TMEFF1: variants seen among roughly 807,000 people sequenced by gnomAD.
TMEFF1 encodes transmembrane protein with EGF like and two follistatin like domains 1.
A neutral mutation model predicts 47.5 loss-of-function variants in TMEFF1; 20 were observed. That is an observed-to-expected ratio of 0.42 (90% CI 0.30 to 0.61). TMEFF1 has a LOEUF of 0.61. Among genes scored for constraint, TMEFF1 ranks in the 20% least tolerant of loss-of-function variants. TMEFF1 has a pLI of 0.19. For synonymous variants in TMEFF1, 162 were observed against 166.3 expected (o/e 0.97, Z 0.20); for missense variants, 411 against 471.1 (o/e 0.87, Z 1.18).
rs1168313703 is a variant in TMEFF1, at chr9:100,561,710, C to CT, written c.899+202dup. Among the ~76,000 whole-genome samples, 501 of 141,990 alleles carry CT rather than the reference C, an allele frequency of 3.5e-3. 1 individual carries two copies. The highest frequency in any genetic ancestry group is 6.9e-3 in the East Asian group (34 of 4,934). 93.2% of individuals were successfully genotyped at this position (141,990 alleles called of 152,430 possible). ...CAAGTAATATGCAGAAAACAAAAATCTTTTTTTTTTTTAGGGCTTAACATT... is the reference window on the plus strand; with the variant it reads ...CAAGTAATATGCAGAAAACAAAAATCTTTTTTTTTTTTTAGGGCTTAACATT... On this transcript the variant is annotated intron_variant, in intron 8 of 9. Transcript: ENST00000374879.
At chr9:100,547,473 T>C (rs1838757286) in intron 5 of TMEFF1, among the ~76,000 whole-genome samples, 2 of 152,204 alleles carry the variant, frequency 1.3e-5, no homozygotes, top group South Asian at 4.1e-4. Context: ...TTAATTAATG[T>C]CATTGATATT....
intron 1 of TMEFF1, among the ~76,000 whole-genome samples, chr9:100,498,128 G>T (rs1389159327): frequency 6.6e-6 from 1 of 152,072 alleles, no homozygotes; most frequent in African/African-American, 2.4e-5. Flanking sequence ...TGGTATTGTT[G>T]ATTGGCTCTG....
At chr9:100,560,462 T>C (rs1339141354) in intron 7 of TMEFF1, among the ~76,000 whole-genome samples, 1 of 152,164 alleles carries the variant, frequency 6.6e-6, no homozygotes, top group South Asian at 2.1e-4. Context: ...CTGGGTCCTT[T>C]GAGCTTAGGA....
rs1463796521 is a variant in TMEFF1 at position 100,473,361 on chromosome 9, CCCGAGCGCCGCG to C, written c.-183_-172del. On this transcript the variant is annotated 5_prime_UTR_variant, in exon 1 of 10. Transcript: ENST00000374879. The surrounding 1 kb of genome is among the most constrained non-coding windows in gnomAD (Gnocchi z 5.4). ...ACGCGCCCGGACCCGCCGACTCCGT[CCCGAGCGCCGCG>C]GGCCCGGGCCTGGCGGACGCTGCGG... 3.0e-6 allele frequency: 1 copy of C among 336,948 alleles called. No homozygotes were observed. Among genetic ancestry groups the C allele is most frequent in the Admixed American group, 5.4e-5 (1 of 18,622 alleles). 20.9% of individuals were successfully genotyped at this position (336,948 alleles called of 1,614,324 possible).
At chr9:100,540,144 C>T (rs1438933002) in intron 5 of TMEFF1, among the ~76,000 whole-genome samples, 3 of 151,902 alleles carry the variant, frequency 2.0e-5, no homozygotes, top group Non-Finnish European at 4.4e-5. Context: ...CTGATTGGCA[C>T]ATTTACAATC....
chr9:100,485,891 T>A (rs1390080257), intron 1 of TMEFF1, among the ~76,000 whole-genome samples: 2 of 152,222 alleles, frequency 1.3e-5, no homozygotes, highest in Non-Finnish European at 2.9e-5. Context: ...ATCTATTTTT[T>A]AAAAAGTATC....
At chr9:100,530,367 G>T (rs1276878634) in intron 5 of TMEFF1, among the ~76,000 whole-genome samples, 1 of 151,968 alleles carries the variant, frequency 6.6e-6, no homozygotes, top group East Asian at 1.9e-4. Flanking sequence ...AAAGAGAGAA[G>T]AATCAAATAG....
At chr9:100,562,630 G>GTTTGT (rs55940754) in intron 8 of TMEFF1, among the ~76,000 whole-genome samples, 5,245 of 142,426 alleles carry the variant, frequency 0.037, 408 homozygotes, top group East Asian at 0.36. Context: ...TTTTTTTTTT[G>GTTTGT]TTTGTTTTGT....
chr9:100,516,090 T>C (rs1040495623), intron 4 of TMEFF1, among the ~76,000 whole-genome samples: 1 of 152,194 alleles, frequency 6.6e-6, no homozygotes, highest in Non-Finnish European at 1.5e-5. Flanking sequence ...CTGCATATTT[T>C]TGGCTGTGCT....
At chr9:100,518,379 G>T in intron 5 of TMEFF1, 1 of 953,636 alleles carries the variant, frequency 1.0e-6, no homozygotes, top group Non-Finnish European at 1.2e-6. Flanking sequence ...AATTTTTTGT[G>T]TGTCTATTTA....
chr9:100,538,815 C>T (rs1190889649), intron 5 of TMEFF1, among the ~76,000 whole-genome samples: 5 of 152,166 alleles, frequency 3.3e-5, no homozygotes, highest in African/African-American at 1.2e-4. Context: ...GTCCATTTTA[C>T]TTTCGACGTT....
chr9:100,564,666 A>G (rs528151298), intron 8 of TMEFF1, among the ~76,000 whole-genome samples: 1 of 152,278 alleles, frequency 6.6e-6, no homozygotes, highest in East Asian at 1.9e-4. Flanking sequence ...GGGCCATCCC[A>G]GGAGCTTGGC....
At chr9:100,487,114 C>G (rs1205241240) in intron 1 of TMEFF1, among the ~76,000 whole-genome samples, 1 of 151,592 alleles carries the variant, frequency 6.6e-6, no homozygotes, top group East Asian at 1.9e-4. Context: ...TTTTCTATAG[C>G]TTTTTTTCTT....
rs762387407 is a variant in TMEFF1 at position 100,561,392 on chromosome 9, T to C, written c.776-5T>C. Reference sequence around the variant, plus strand: ...GTTGAACGATCTGGTTTATGTTCTTTTAAGATGCTAGTGATCAAAGAGAAG... The same window carrying C: ...GTTGAACGATCTGGTTTATGTTCTTCTAAGATGCTAGTGATCAAAGAGAAG... On this transcript the variant is annotated splice_polypyrimidine_tract_variant and splice_region_variant and intron_variant, in intron 7 of 9. Coordinates refer to ENST00000374879, the MANE Select transcript of TMEFF1 (RefSeq NM_003692.5). 20 of 1,611,156 alleles carry C rather than the reference T, an allele frequency of 1.2e-5. No homozygotes were observed. Among genetic ancestry groups the C allele is most frequent in the Middle Eastern group, 1.7e-4 (1 of 6,058 alleles).
intron 5 of TMEFF1, among the ~76,000 whole-genome samples, chr9:100,544,278 C>A (rs575218637): frequency 2.6e-5 from 4 of 152,114 alleles, no homozygotes; most frequent in Admixed American, 2.0e-4. Context: ...GGGCAATTTG[C>A]AAAAGAAAGG....
At chr9:100,529,195 A>G (rs1342259063) in intron 5 of TMEFF1, among the ~76,000 whole-genome samples, 3 of 149,936 alleles carry the variant, frequency 2.0e-5, no homozygotes, top group Non-Finnish European at 4.5e-5. Flanking sequence ...AACGAGCAAA[A>G]TAACCAGCTA....
chr9:100,559,439 G>A (rs553081586), intron 7 of TMEFF1, among the ~76,000 whole-genome samples: 28 of 152,230 alleles, frequency 1.8e-4, no homozygotes, highest in Middle Eastern at 3.4e-3. Context: ...TACTAGGCTC[G>A]TGTGGCTATT....
intron 6 of TMEFF1, 26 bp downstream of exon 6, chr9:100,547,918 G>A (rs763665160): frequency 2.6e-6 from 4 of 1,525,768 alleles, no homozygotes; most frequent in Non-Finnish European, 3.5e-6. Context: ...TTTATTCAGA[G>A]ACCCATCTTT....
chr9:100,561,708 ATCT>A (rs1839019236), intron 8 of TMEFF1, among the ~76,000 whole-genome samples, 188 bp downstream of exon 8: 1 of 151,996 alleles, frequency 6.6e-6, no homozygotes, highest in Admixed American at 6.6e-5. Flanking sequence ...GAAAACAAAA[ATCT>A]TTTTTTTTTT....
Sources: gnomAD v4.1 joint callset for allele counts (sites outside exome capture counted in the v4.1 genomes callset) on GRCh38, gnomAD v4.1.1 for gene constraint, Gnocchi (gnomAD v3.1) non-coding constraint, MANE v1.5 for transcripts, NCBI Gene and HGNC (gene_info 2026-07-23, HGNC 2026-07-21) for gene names.